Variants in CACNA2D3 observed in about 807,000 individuals in gnomAD.
CACNA2D3 encodes the protein voltage-dependent calcium channel subunit alpha-2/delta-3.
A neutral mutation model predicts 160.6 loss-of-function variants in CACNA2D3; 60 were observed. The ratio of observed to expected loss-of-function variants is 0.37; its 90% CI spans 0.30 to 0.46. The LOEUF (loss-of-function observed/expected upper bound fraction) is 0.46. CACNA2D3 is among the 20% of genes least tolerant of loss of function. The pLI is 1.00. For missense variants in CACNA2D3, 1,205 were observed against 1,365.0 expected, an observed-to-expected ratio of 0.88 and a Z score of 1.85; for synonymous variants, 558 against 492.9, an observed-to-expected ratio of 1.13 and a Z score of -1.75.
intron 2 of CACNA2D3, among the ~76,000 whole-genome samples, chr3:54,303,525 A>G (rs1703526372): frequency 6.6e-6 from 1 of 152,218 alleles, no homozygotes; most frequent in African/African-American, 2.4e-5. Flanking sequence ...ATGTTTGCAC[A>G]TATGCACTGT....
At chr3:54,651,159 A>C (rs1289728488) in intron 11 of CACNA2D3, among the ~76,000 whole-genome samples, 1 of 152,074 alleles carries the variant, frequency 6.6e-6, no homozygotes, top group Non-Finnish European at 1.5e-5. Context: ...CACTCTATAC[A>C]TTGTCATCGG....
At chr3:54,414,416 G>A (rs1699721430) in intron 4 of CACNA2D3, among the ~76,000 whole-genome samples, 1 of 152,096 alleles carries the variant, frequency 6.6e-6, no homozygotes, top group Non-Finnish European at 1.5e-5. Flanking sequence ...CAACTTTACA[G>A]TAATGATAAT....
intron 35 of CACNA2D3, among the ~76,000 whole-genome samples, chr3:55,034,728 A>G (rs1703774664): frequency 6.6e-6 from 1 of 152,084 alleles, no homozygotes; most frequent in Non-Finnish European, 1.5e-5. Context: ...CATTGCCTCT[A>G]AATATTTCTG....
At chr3:54,194,486 C>T (rs995805877) in intron 2 of CACNA2D3, among the ~76,000 whole-genome samples, 4 of 152,194 alleles carry the variant, frequency 2.6e-5, no homozygotes, top group African/African-American at 9.6e-5. Context: ...ACCTCCTTGT[C>T]TTTCCAAAAT....
chr3:54,952,932 A>G (rs1183647513), intron 27 of CACNA2D3, among the ~76,000 whole-genome samples: 15 of 152,136 alleles, frequency 9.9e-5, no homozygotes, highest in Admixed American at 9.8e-4. Flanking sequence ...AAAGGAGGAA[A>G]CTTTTCATAG....
chr3:55,006,350 C>G (rs1325447545), intron 32 of CACNA2D3, among the ~76,000 whole-genome samples: 1 of 152,160 alleles, frequency 6.6e-6, no homozygotes, highest in Non-Finnish European at 1.5e-5. Context: ...GCCCTCTTTC[C>G]CCCGCAACCT....
intron 4 of CACNA2D3, among the ~76,000 whole-genome samples, chr3:54,466,608 G>A (rs1164497542): frequency 6.6e-6 from 1 of 152,094 alleles, no homozygotes; most frequent in African/African-American, 2.4e-5. Context: ...GGGCAACAAA[G>A]TTACTTACTT....
chr3:54,388,205 A>T (rs1699222027), intron 4 of CACNA2D3, among the ~76,000 whole-genome samples: 1 of 152,250 alleles, frequency 6.6e-6, no homozygotes, highest in African/African-American at 2.4e-5. Flanking sequence ...TCCAGAACTC[A>T]GGGAAGATGG....
intron 4 of CACNA2D3, among the ~76,000 whole-genome samples, chr3:54,453,556 C>G (rs2106823216): frequency 6.6e-6 from 1 of 152,286 alleles, no homozygotes; most frequent in East Asian, 1.9e-4. Context: ...CTCAAACTAG[C>G]TTAGGCAAAA....
intron 27 of CACNA2D3, among the ~76,000 whole-genome samples, chr3:54,906,740 A>G (rs9845148): frequency 0.017 from 2,582 of 152,294 alleles, 69 homozygotes; most frequent in African/African-American, 0.059. Flanking sequence ...GACTTTTTAT[A>G]TGTTTGACAT....
Position 55,074,525 on chromosome 3 carries a change from G to C in CACNA2D3, c.*319G>C. ...CCTATTGAAACCAATTTAAAACTGT[G>C]TACTTTTTAAATAAAGTATATTAAA... On this transcript the variant is annotated 3_prime_UTR_variant, in exon 38 of 38. Coordinates refer to ENST00000474759, the MANE Select transcript of CACNA2D3 (RefSeq NM_018398.3). 4.2e-6 allele frequency: 1 copy of C among 236,688 alleles called. No homozygotes were observed. The highest frequency in any genetic ancestry group is 8.1e-6 in the Non-Finnish European group (1 of 122,834). 14.7% of individuals were successfully genotyped at this position (236,688 alleles called of 1,614,324 possible).
intron 17 of CACNA2D3, among the ~76,000 whole-genome samples, chr3:54,859,972 G>GCGCGCACACACACACACACACACACA: frequency 7.5e-6 from 1 of 133,884 alleles, no homozygotes; most frequent in African/African-American, 2.8e-5. Context: ...GAAAGTAGAT[G>GCGCGCACACACACACACACACACACA]CACACACACA....
intron 11 of CACNA2D3, among the ~76,000 whole-genome samples, chr3:54,681,937 C>T (rs1700358689): frequency 6.6e-6 from 1 of 152,104 alleles, no homozygotes; most frequent in African/African-American, 2.4e-5. Flanking sequence ...CCTGCCTCCA[C>T]CTCTCAAAGT....
chr3:54,471,709 T>C lies in CACNA2D3; in HGVS notation c.382-31783T>C, dbSNP rs187024986. ...ATCGAGTAGACATAATAAAAAATAA[T>C]AAAGGGGATATCACCGCTGATCCCA... On this transcript the variant is annotated intron_variant, in intron 4 of 37. Transcript: ENST00000474759. 2.2e-3 allele frequency among the ~76,000 whole-genome samples: 335 copies of C among 151,910 alleles called. 3 individuals carry two copies. The highest frequency in any genetic ancestry group is 7.7e-3 in the African/African-American group (319 of 41,468).
In CACNA2D3 at chr3:55,027,575, G is replaced by T. The variant is rs770037134; in HGVS notation, c.2987+9258G>T. Reference sequence around the variant, plus strand: ...AAATTTATCAGCCCTTCCCTGGAAGGAATGAGATTTTTCAGGTCTAGTTCT... The same window carrying T: ...AAATTTATCAGCCCTTCCCTGGAAGTAATGAGATTTTTCAGGTCTAGTTCT... On this transcript the variant is annotated intron_variant, in intron 35 of 37. Transcript: ENST00000474759. Among the ~76,000 whole-genome samples the T allele has an allele frequency of 2.6e-4, 40 of 152,104 alleles. 1 individual carries two copies. The highest frequency in any genetic ancestry group is 5.1e-4 in the Non-Finnish European group (35 of 68,020).
chr3:54,456,776 G>A (rs150349959), intron 4 of CACNA2D3, among the ~76,000 whole-genome samples: 1 of 151,848 alleles, frequency 6.6e-6, no homozygotes, highest in East Asian at 1.9e-4. Flanking sequence ...TTAACCTCTT[G>A]GTTCATTATT....
chr3:54,175,161 A>G (rs923866405), intron 2 of CACNA2D3, among the ~76,000 whole-genome samples: 1 of 152,196 alleles, frequency 6.6e-6, no homozygotes, highest in Non-Finnish European at 1.5e-5. Flanking sequence ...ACTGTGTCAC[A>G]CACATTGTAG....
At chr3:54,851,180 A>T (rs769950486) in intron 17 of CACNA2D3, among the ~76,000 whole-genome samples, 2 of 152,216 alleles carry the variant, frequency 1.3e-5, no homozygotes, top group African/African-American at 4.8e-5. Flanking sequence ...AGTGTTTCAC[A>T]TGTGTTAATG....
At chr3:54,289,127 G>A (rs888155874) in intron 2 of CACNA2D3, among the ~76,000 whole-genome samples, 4 of 152,178 alleles carry the variant, frequency 2.6e-5, no homozygotes, top group African/African-American at 9.7e-5. Flanking sequence ...GTCCCTGTTT[G>A]CAGACGACAT....
Sources: allele counts gnomAD v4.1 joint callset (sites outside exome capture counted in the v4.1 genomes callset), GRCh38; gene constraint gnomAD v4.1.1; transcripts MANE v1.5; gene names NCBI Gene and HGNC (gene_info 2026-07-23, HGNC 2026-07-21).